The following ERG28 variants were observed in gnomAD, a reference collection of about 807,000 sequenced individuals.
The protein encoded by ERG28 is ergosterol biosynthetic protein 28 homolog.
A neutral mutation model predicts 15.7 loss-of-function variants in ERG28; 9 were observed. That is an observed-to-expected ratio of 0.57 (90% CI 0.35 to 1.00). ERG28 has a LOEUF of 1.00. Among genes scored for constraint, ERG28 ranks in the 50% least tolerant of loss-of-function variants. The pLI is 0.02. For missense variants in ERG28, 117 were observed against 173.3 expected, an observed-to-expected ratio of 0.68 and a Z score of 1.82; for synonymous variants, 61 against 68.4, an observed-to-expected ratio of 0.89 and a Z score of 0.53.
Position 75,651,375 on chromosome 14 carries a change from C to T in ERG28, c.*180G>A, listed in dbSNP as rs564858259. 3.2e-4 allele frequency: 166 copies of T among 520,284 alleles called. No individual in the cohort carries two copies. The East Asian group carries it at 3.7e-3, about 12-fold the overall frequency. The allele number at this position is 520,284 out of a possible 1,614,324, so 32.2% of individuals were successfully genotyped here. A position where few individuals can be genotyped will look rare whatever the true frequency, so the allele number is the denominator to read the frequency against. On this transcript the variant is annotated 3_prime_UTR_variant, in exon 5 of 5. Transcript: ENST00000256319. Reference sequence around the variant, plus strand: ...CTTTAAAATTATTCTTTAAATTGTACGTACATGTTATATACTTTTCAGTAT... The same window carrying T: ...CTTTAAAATTATTCTTTAAATTGTATGTACATGTTATATACTTTTCAGTAT...
At chr14:75,655,062 G>C in intron 2 of ERG28, 86 bp from the exon 3 acceptor site, 1 of 1,342,728 alleles carries the variant, frequency 7.4e-7, no homozygotes, top group Non-Finnish European at 1.1e-6. Flanking sequence ...GTGGTTCATG[G>C]GAGATAGGGA....
chr14:75,659,882 C>T (rs1890657147), intron 1 of ERG28, among the ~76,000 whole-genome samples: 1 of 141,366 alleles, frequency 7.1e-6, no homozygotes, highest in African/African-American at 2.6e-5. Context: ...CCCCCGCCAA[C>T]TCCCCGCCCC....
At chr14:75,653,308 G>T (rs532550685) in intron 3 of ERG28, among the ~76,000 whole-genome samples, 5 of 152,060 alleles carry the variant, frequency 3.3e-5, no homozygotes, top group Admixed American at 6.6e-5. Context: ...CTGAGGTAAA[G>T]ATAAGTCTGG....
At position 75,650,198 on chromosome 14, in the gene ERG28, A is replaced by G. The variant is rs868301715; in HGVS notation, c.*1357T>C. The G allele has an allele frequency of 3.3e-5, 5 of 152,172 alleles. No individual in the cohort carries two copies. The highest frequency in any genetic ancestry group is 1.2e-4 in the African/African-American group (5 of 41,432). 9.4% of individuals were successfully genotyped at this position (152,172 alleles called of 1,614,324 possible). Reference sequence around the variant, plus strand: ...CTCAGGGAGGACTTTCTGATGATCTAATTTAAGTTACGTTCCCCACTGCCC... The same window carrying G: ...CTCAGGGAGGACTTTCTGATGATCTGATTTAAGTTACGTTCCCCACTGCCC... On this transcript the variant is annotated 3_prime_UTR_variant, in exon 5 of 5. Transcript: ENST00000256319.
chr14:75,650,799 G>A lies in ERG28; in HGVS notation c.*756C>T, dbSNP rs1271370554. On this transcript the variant is annotated 3_prime_UTR_variant, in exon 5 of 5. Transcript: ENST00000256319. ...GTCATGAGCTGTCCTACTCACTATG[G>A]TGTATTCAATCAGGCATAAAGCTGT... 1 of 152,474 alleles carries A rather than the reference G, an allele frequency of 6.6e-6. No individual in the cohort carries two copies. The highest frequency in any genetic ancestry group is 1.5e-5 in the Non-Finnish European group (1 of 68,086). The allele number at this position is 152,474 out of a possible 1,614,324, so 9.4% of individuals were successfully genotyped here. A position where few individuals can be genotyped will look rare whatever the true frequency, so the allele number is the denominator to read the frequency against.
In ERG28 at chr14:75,659,606, T is replaced by C. The variant is rs1890651087; in HGVS notation, c.-32+1169A>G. 3.3e-5 allele frequency among the ~76,000 whole-genome samples: 5 copies of C among 149,744 alleles called. No individual in the cohort carries two copies. In the South Asian group the frequency reaches 1.1e-3, roughly 32 times the overall value. On this transcript the variant is annotated intron_variant, in intron 1 of 4. Transcript: ENST00000256319. Reference sequence around the variant, plus strand: ...AAGGCTTAGTTCAACTCTTGTTGAGTAGTAATTTCAGTTAGTCTGATTTAA... The same window carrying C: ...AAGGCTTAGTTCAACTCTTGTTGAGCAGTAATTTCAGTTAGTCTGATTTAA...
intron 2 of ERG28, among the ~76,000 whole-genome samples, chr14:75,656,997 T>C (rs1890606758): frequency 6.6e-6 from 1 of 152,060 alleles, no homozygotes; most frequent in African/African-American, 2.4e-5. Flanking sequence ...GTAAGTCTAT[T>C]TCCTCACTTG....
chr14:75,651,696 CCT>C, intron 4 of ERG28, 62 bp from the exon 5 acceptor site: 1 of 1,590,004 alleles, frequency 6.3e-7, no homozygotes, highest in African/African-American at 1.3e-5. Context: ...CTCTCTCTCT[CCT>C]GTGTCCACCC....
intron 1 of ERG28, among the ~76,000 whole-genome samples, chr14:75,660,031 G>A (rs1890660927): frequency 6.6e-6 from 1 of 152,102 alleles, no homozygotes; most frequent in African/African-American, 2.4e-5. Context: ...TATCATTTGG[G>A]CCAAGATCCA....
intron 3 of ERG28, among the ~76,000 whole-genome samples, chr14:75,652,817 CTTTTT>C (rs59570063): frequency 8.3e-4 from 80 of 96,228 alleles, no homozygotes; most frequent in African/African-American, 3.7e-3. Flanking sequence ...ATTTTTACAC[CTTTTT>C]TTTTTTTTTT....
intron 1 of ERG28, 21 bp from the exon 2 acceptor site, chr14:75,657,554 AC>A: frequency 6.2e-7 from 1 of 1,606,864 alleles, no homozygotes; most frequent in African/African-American, 1.3e-5. Context: ...AAGGCAGAGG[AC>A]ATGAGACAAT....
chr14:75,653,020 C>T (rs560507243), intron 3 of ERG28, among the ~76,000 whole-genome samples: 142 of 151,842 alleles, frequency 9.4e-4, no homozygotes, highest in African/African-American at 3.4e-3. Flanking sequence ...GATGGGGTTT[C>T]GCCATGTTGG....
intron 3 of ERG28, among the ~76,000 whole-genome samples, chr14:75,652,631 A>G (rs1890542038): frequency 6.6e-6 from 1 of 152,184 alleles, no homozygotes; most frequent in African/African-American, 2.4e-5. Flanking sequence ...CAATGCAACC[A>G]ACACCCAGCT....
At chr14:75,656,279 AACACACACACACACACACACACACAC>A (rs34053718) in intron 2 of ERG28, among the ~76,000 whole-genome samples, 78 of 135,984 alleles carry the variant, frequency 5.7e-4, no homozygotes, top group African/African-American at 2.0e-3. Context: ...GTGCTGGCTG[AACACACACACACACACACACACACAC>A]ACACACACAC....
chr14:75,654,197 G>C (rs1272398355), intron 3 of ERG28, among the ~76,000 whole-genome samples: 2 of 152,182 alleles, frequency 1.3e-5, no homozygotes, highest in Non-Finnish European at 2.9e-5. Flanking sequence ...CCAAGAGCCT[G>C]GATAAGACAG....
At position 75,660,858 on chromosome 14, in the gene ERG28, T is replaced by G. The variant is rs1022252274; in HGVS notation, c.-115A>C. ...CCCCCAGGACAGCTCCAGCCCGGAG[T>G]CCACCTGAGCCATTTGTCCCCGCCC... On this transcript the variant is annotated 5_prime_UTR_variant, in exon 1 of 5. Transcript: ENST00000256319. 5.9e-5 allele frequency: 9 copies of G among 152,120 alleles called. No individual in the cohort carries two copies. Among genetic ancestry groups the G allele is most frequent in the African/African-American group, 1.9e-4 (8 of 41,272 alleles). The allele number at this position is 152,120 out of a possible 1,614,324, so 9.4% of individuals were successfully genotyped here.
chr14:75,656,851 T>G (rs1566802832), intron 2 of ERG28, among the ~76,000 whole-genome samples: 1 of 152,126 alleles, frequency 6.6e-6, no homozygotes, highest in East Asian at 1.9e-4. Flanking sequence ...GACCTTGAAT[T>G]AATAACTCTC....
intron 1 of ERG28, among the ~76,000 whole-genome samples, chr14:75,659,118 T>C (rs1890636026): frequency 6.6e-6 from 1 of 152,188 alleles, no homozygotes; most frequent in Admixed American, 6.5e-5. Flanking sequence ...ATTTCCATCT[T>C]ACAGATGAGG....
chr14:75,651,518 G>A lies in ERG28; in HGVS notation c.*37C>T, dbSNP rs754068250. The A allele has an allele frequency of 6.4e-7, 1 of 1,564,760 alleles. No individual in the cohort carries two copies. ...GACGAAGGAAGAAGATGGCCAAGGT[G>A]GAAAACGAGAAAGTCCTGGAGGTGA... On this transcript the variant is annotated 3_prime_UTR_variant, in exon 5 of 5. Coordinates refer to ENST00000256319, the MANE Select transcript of ERG28 (RefSeq NM_007176.4).
Sources: gnomAD v4.1 joint callset for allele counts (sites outside exome capture counted in the v4.1 genomes callset) on GRCh38, gnomAD v4.1.1 for gene constraint, MANE v1.5 for transcripts, NCBI Gene and HGNC (gene_info 2026-07-23, HGNC 2026-07-21) for gene names.